Variants in NR3C2 observed in about 807,000 individuals in gnomAD.
NR3C2 encodes the protein nuclear receptor subfamily 3 group C member 2, also known as mineralocorticoid receptor.
Under a neutral mutation model 86.4 loss-of-function variants are expected in NR3C2, and 15 were observed. The ratio of observed to expected loss-of-function variants is 0.17; its 90% CI spans 0.12 to 0.27. The LOEUF (loss-of-function observed/expected upper bound fraction) is 0.27. Ranked by LOEUF, NR3C2 falls within the 10% of genes least tolerant of loss-of-function variation. NR3C2 has a pLI of 1.00. For missense variants in NR3C2, 960 were observed against 1,195.6 expected (o/e 0.80, Z 2.91); for synonymous variants, 458 against 450.5 (o/e 1.02, Z -0.21).
In NR3C2 at chr4:148,213,935, A is replaced by G. The variant is rs183009563; in HGVS notation, c.1898-19073T>C. 1.1e-4 allele frequency among the ~76,000 whole-genome samples: 17 copies of G among 152,350 alleles called. No individual in the cohort carries two copies. The East Asian group carries it at 3.3e-3, about 29-fold the overall frequency. On this transcript the variant is annotated intron_variant, in intron 3 of 8. Coordinates refer to ENST00000358102, the MANE Select transcript of NR3C2 (RefSeq NM_000901.5). ...TCTCCTTGAAGCTTGAATATTAAAT[A>G]CTAACTTGAATTATTGAAAAGAAAG...
rs1730429663 is a variant in NR3C2, at chr4:148,079,213, GTATT to G, written c.*2127_*2130del. ...TAGCAACTCCCAGTCTGCATGCTGT[GTATT>G]TATTACCTTCAAAGTGTGGCTTTCA... On this transcript the variant is annotated 3_prime_UTR_variant, in exon 9 of 9. Coordinates refer to ENST00000358102, the MANE Select transcript of NR3C2 (RefSeq NM_000901.5). The G allele has an allele frequency of 6.6e-6, 1 of 152,228 alleles. No individual in the cohort carries two copies. The allele number at this position is 152,228 out of a possible 1,614,324, so 9.4% of individuals were successfully genotyped here.
At chr4:148,284,907 C>T (rs1262490934) in intron 2 of NR3C2, among the ~76,000 whole-genome samples, 1 of 152,190 alleles carries the variant, frequency 6.6e-6, no homozygotes, top group East Asian at 1.9e-4. Flanking sequence ...TCATTGTTCT[C>T]ATTTCATATA....
chr4:148,310,171 G>C lies in NR3C2; in HGVS notation c.1758-50054C>G, dbSNP rs1579136614. ...TTACATAGACTTATGCTAGAATTTAGATTACTTCATTCCAGTGTATTTTAA... is the reference window on the plus strand; with the variant it reads ...TTACATAGACTTATGCTAGAATTTACATTACTTCATTCCAGTGTATTTTAA... On this transcript the variant is annotated intron_variant, in intron 2 of 8. Coordinates refer to ENST00000358102, the MANE Select transcript of NR3C2 (RefSeq NM_000901.5). Among the ~76,000 whole-genome samples, 4 of 152,280 alleles carry C rather than the reference G, an allele frequency of 2.6e-5. 1 individual carries two copies. Among genetic ancestry groups the C allele is most frequent in the Admixed American group, 2.6e-4 (4 of 15,292 alleles).
rs1043840727 is a variant in NR3C2 at position 148,178,611 on chromosome 4, T to C, written c.2014+16135A>G. ...CTGAAAAATTGGGTCAAAATGTTTC[T>C]CAAAAGGTTCTCCCGCTTTCTACCA... On this transcript the variant is annotated intron_variant, in intron 4 of 8. Coordinates refer to ENST00000358102, the MANE Select transcript of NR3C2 (RefSeq NM_000901.5). Among the ~76,000 whole-genome samples the C allele has an allele frequency of 1.3e-5, 2 of 151,484 alleles. 1 individual carries two copies.
In NR3C2 at chr4:148,436,538, T is replaced by C; in HGVS notation, c.323A>G (p.Tyr108Cys). The C allele has an allele frequency of 1.2e-6, 2 of 1,614,236 alleles. No individual in the cohort carries two copies. Among genetic ancestry groups the C allele is most frequent in the Non-Finnish European group, 1.7e-6 (2 of 1,180,040 alleles). Residue 108 changes from tyrosine (Y) to cysteine (C), a missense_variant, in exon 2 of 9, where the codon TAT (tyrosine) becomes TGT (cysteine). Transcript: ENST00000358102. ...SATVAESMGL[Y>C]MDSVRDADYS... is the part of the protein sequence containing the mutation. The stretch of plus-strand genomic sequence containing the variant: ...GTCAGCATCTCTTACAGAATCCATA[T>C]ATAAACCCATGGACTCAGCTACAGT...
At chr4:148,319,811 T>A (rs1743456286) in intron 2 of NR3C2, among the ~76,000 whole-genome samples, 2 of 149,100 alleles carry the variant, frequency 1.3e-5, no homozygotes, top group Admixed American at 1.3e-4. Context: ...TATACAATCA[T>A]GTCGTCTGCA....
intron 2 of NR3C2, among the ~76,000 whole-genome samples, chr4:148,397,241 C>G (rs932951996): frequency 1.3e-5 from 2 of 152,242 alleles, no homozygotes; most frequent in Non-Finnish European, 2.9e-5. Context: ...GGGAGGGTGG[C>G]CTCACTCCTG....
chr4:148,370,402 T>C (rs189374448), intron 2 of NR3C2, among the ~76,000 whole-genome samples: 169 of 152,340 alleles, frequency 1.1e-3, no homozygotes, highest in African/African-American at 3.9e-3. Context: ...AAGGAGATGG[T>C]TGCTATTCAC....
At position 148,152,498 on chromosome 4, in the gene NR3C2, G is replaced by A. The variant is rs1331955525; in HGVS notation, c.2481C>T (p.Leu827=). The A allele has an allele frequency of 6.2e-6, 10 of 1,614,066 alleles. No individual in the cohort carries two copies. The highest frequency in any genetic ancestry group is 1.7e-5 in the Admixed American group (1 of 60,024). The part of the protein sequence containing the change: ...RSYKHTNSQF[L]YFAPDLVFNE... ...TAAAGACTAGGTCTGGTGCAAAATA[G>A]AGAAATTGGCTGTTCGTATGTTTGT... is the stretch of plus-strand genomic sequence containing the variant. The change falls in exon 6 of 9, where the codon CTC becomes CTT. Residue 827 remains leucine, a synonymous_variant. Transcript: ENST00000358102.
In NR3C2 at chr4:148,436,854, T is replaced by C; in HGVS notation, c.7A>G (p.Thr3Ala). 1 of 1,608,050 alleles carries C rather than the reference T, an allele frequency of 6.2e-7. No individual in the cohort carries two copies. Among genetic ancestry groups the C allele is most frequent in the Non-Finnish European group, 8.5e-7 (1 of 1,178,880 alleles). The stretch of plus-strand genomic sequence containing the variant: ...TCAGGGAGACTGTGGTAGCCTTTGG[T>C]CTCCATCGCTAACAAATAAATTTAC... ME[T>A]KGYHSLPEGL... The change falls in exon 2 of 9, where the codon ACC (threonine) becomes GCC (alanine). Residue 3 changes from threonine to alanine, a missense_variant. By Grantham distance (58) the Thr-to-Ala change is moderately conservative. Coordinates refer to ENST00000358102, the MANE Select transcript of NR3C2 (RefSeq NM_000901.5).
intron 8 of NR3C2, among the ~76,000 whole-genome samples, chr4:148,102,625 G>A (rs11946576): frequency 0.27 from 40,313 of 151,972 alleles, 6,214 homozygotes; most frequent in African/African-American, 0.42. Flanking sequence ...TCCTGCCCCA[G>A]CTTGGCTCTA....
chr4:148,371,886 G>A (rs572302152), intron 2 of NR3C2, among the ~76,000 whole-genome samples: 13 of 152,096 alleles, frequency 8.5e-5, no homozygotes, highest in Non-Finnish European at 1.6e-4. Context: ...GAGGGAGACC[G>A]ACAAACTTTC....
At chr4:148,114,750 T>C (rs1181974186) in intron 7 of NR3C2, among the ~76,000 whole-genome samples, 1 of 152,200 alleles carries the variant, frequency 6.6e-6, no homozygotes, top group African/African-American at 2.4e-5. Flanking sequence ...ATTTTGATTT[T>C]CCAGGATAAC....
intron 2 of NR3C2, among the ~76,000 whole-genome samples, chr4:148,315,983 T>C (rs994037374): frequency 6.6e-6 from 1 of 152,206 alleles, no homozygotes; most frequent in African/African-American, 2.4e-5. Context: ...ACCAGACTTC[T>C]ATAATATGCA....
intron 2 of NR3C2, among the ~76,000 whole-genome samples, chr4:148,344,912 T>C (rs905931121): frequency 6.6e-6 from 1 of 152,204 alleles, no homozygotes; most frequent in Non-Finnish European, 1.5e-5. Context: ...GCTTGTTTAC[T>C]TTCCACTGAC....
At chr4:148,426,581 C>T (rs1047457588) in intron 2 of NR3C2, among the ~76,000 whole-genome samples, 8 of 152,164 alleles carry the variant, frequency 5.3e-5, no homozygotes, top group South Asian at 2.1e-4. Context: ...GACTTAAGCA[C>T]GATCTTGGTT....
intron 2 of NR3C2, among the ~76,000 whole-genome samples, chr4:148,367,235 G>C (rs116434517): frequency 0.011 from 1,667 of 152,254 alleles, 25 homozygotes; most frequent in African/African-American, 0.038. Flanking sequence ...CATTTCAAAA[G>C]CTGCCCCAAA....
intron 7 of NR3C2, among the ~76,000 whole-genome samples, chr4:148,116,762 T>C (rs1415141445): frequency 6.6e-6 from 1 of 152,210 alleles, no homozygotes; most frequent in African/African-American, 2.4e-5. Context: ...TGGGGGCTAA[T>C]AAATTAATTC....
intron 8 of NR3C2, among the ~76,000 whole-genome samples, chr4:148,086,750 C>T (rs756749594): frequency 2.6e-5 from 4 of 151,638 alleles, no homozygotes; most frequent in Non-Finnish European, 5.9e-5. Flanking sequence ...AAAAAACAGA[C>T]AAAAAAATAA....
Sources: allele counts gnomAD v4.1 joint callset (sites outside exome capture counted in the v4.1 genomes callset), GRCh38; gene constraint gnomAD v4.1.1; transcripts MANE v1.5; gene names NCBI Gene and HGNC (gene_info 2026-07-23, HGNC 2026-07-21).